Variants in FRMD4B observed in about 807,000 individuals in gnomAD.
FRMD4B encodes FERM domain containing 4B, also known as FERM domain-containing protein 4B.
In FRMD4B, 74 loss-of-function variants were observed where a neutral mutation model predicts 141.5. The observed-to-expected ratio is 0.52, with a 90% CI of 0.43 to 0.63. The LOEUF is 0.63. Ranked by LOEUF, FRMD4B falls within the 30% of genes least tolerant of loss-of-function variation. FRMD4B has a pLI of 0.00. For missense variants in FRMD4B, 1,366 were observed against 1,253.4 expected, an observed-to-expected ratio of 1.09 and a Z score of -1.36; for synonymous variants, 506 against 467.9, an observed-to-expected ratio of 1.08 and a Z score of -1.05.
intron 1 of FRMD4B, among the ~76,000 whole-genome samples, chr3:69,500,127 A>G (rs1706467309): frequency 6.6e-6 from 1 of 152,144 alleles, no homozygotes; most frequent in Non-Finnish European, 1.5e-5. Flanking sequence ...CAGGACCCAG[A>G]GCTGTGGCTG....
intron 1 of FRMD4B, among the ~76,000 whole-genome samples, chr3:69,339,818 C>A (rs1356695888): frequency 6.6e-6 from 1 of 152,136 alleles, no homozygotes; most frequent in Non-Finnish European, 1.5e-5. Context: ...CAGGAGAACA[C>A]CCCTCAGTGT....
At chr3:69,350,922 T>G (rs1357031462) in intron 1 of FRMD4B, among the ~76,000 whole-genome samples, 1 of 152,022 alleles carries the variant, frequency 6.6e-6, no homozygotes, top group Non-Finnish European at 1.5e-5. Flanking sequence ...ATGGCACATG[T>G]ATACATATGT....
chr3:69,428,895 C>T (rs993006184), intron 2 of FRMD4B, among the ~76,000 whole-genome samples: 1 of 152,206 alleles, frequency 6.6e-6, no homozygotes, highest in Non-Finnish European at 1.5e-5. Context: ...TGCTTTCCAT[C>T]TCTATGAATG....
At chr3:69,188,328 C>A (rs1266029523) in intron 18 of FRMD4B, among the ~76,000 whole-genome samples, 1 of 152,212 alleles carries the variant, frequency 6.6e-6, no homozygotes, top group Non-Finnish European at 1.5e-5. Context: ...AAGGCTTATC[C>A]TGTCATTGAA....
chr3:69,222,671 T>C (rs749675965), intron 8 of FRMD4B, among the ~76,000 whole-genome samples: 29 of 152,212 alleles, frequency 1.9e-4, no homozygotes, highest in South Asian at 2.1e-4. Flanking sequence ...CTTAGGAGGC[T>C]GAGGCACGAG....
intron 1 of FRMD4B, among the ~76,000 whole-genome samples, chr3:69,362,709 C>A (rs61008624): frequency 1.1e-3 from 68 of 64,086 alleles, no homozygotes; most frequent in African/African-American, 8.7e-3. Context: ...AACCCCCCCC[C>A]CAAAAAAACA....
At chr3:69,460,299 C>T (rs919221461) in intron 1 of FRMD4B, among the ~76,000 whole-genome samples, 6 of 152,230 alleles carry the variant, frequency 3.9e-5, no homozygotes, top group African/African-American at 1.2e-4. Context: ...CTGCTGTCTG[C>T]TGAGCCCCAC....
chr3:69,467,611 T>C (rs1173240482), intron 1 of FRMD4B, among the ~76,000 whole-genome samples: 4 of 152,240 alleles, frequency 2.6e-5, no homozygotes, highest in African/African-American at 4.8e-5. Flanking sequence ...TTTAAATCTG[T>C]AACATGGGTT....
At chr3:69,449,747 GT>G (rs1705466404) in intron 1 of FRMD4B, among the ~76,000 whole-genome samples, 1 of 151,560 alleles carries the variant, frequency 6.6e-6, no homozygotes, top group African/African-American at 2.4e-5. Context: ...GTTTTGTTTT[GT>G]TTTCAATGGT....
chr3:69,415,916 T>C (rs191584269), intron 2 of FRMD4B, among the ~76,000 whole-genome samples: 34 of 152,356 alleles, frequency 2.2e-4, no homozygotes, highest in Admixed American at 8.5e-4. Flanking sequence ...TAAAAGACAG[T>C]AGTACTGGCT....
At chr3:69,342,016 C>T (rs951129170) in intron 1 of FRMD4B, among the ~76,000 whole-genome samples, 2 of 152,224 alleles carry the variant, frequency 1.3e-5, no homozygotes, top group Non-Finnish European at 2.9e-5. Context: ...AAGAAACACA[C>T]AGCTCACTTA....
chr3:69,371,113 C>A (rs1455752806), intron 1 of FRMD4B, among the ~76,000 whole-genome samples: 1 of 125,464 alleles, frequency 8.0e-6, no homozygotes, highest in Admixed American at 9.0e-5. Context: ...GGTTGGGAGT[C>A]ACCTCCCTGG....
intron 7 of FRMD4B, among the ~76,000 whole-genome samples, chr3:69,232,478 A>G (rs1559738456): frequency 6.6e-6 from 1 of 152,122 alleles, no homozygotes; most frequent in Non-Finnish European, 1.5e-5. Context: ...AGCTACTACA[A>G]CTATTTCTCA....
At chr3:69,483,449 G>C (rs897579094) in intron 1 of FRMD4B, among the ~76,000 whole-genome samples, 4 of 152,188 alleles carry the variant, frequency 2.6e-5, no homozygotes, top group African/African-American at 9.7e-5. Flanking sequence ...AAAATCTTTA[G>C]TTTAAGAAGA....
At chr3:69,228,604 C>G (rs2093276528) in intron 7 of FRMD4B, 1 of 401,586 alleles carries the variant, frequency 2.5e-6, no homozygotes, top group Non-Finnish European at 4.9e-6. Context: ...GGAGACTGAG[C>G]TGGGAGGATC....
intron 5 of FRMD4B, 37 bp from the exon 6 acceptor site, chr3:69,250,136 G>GA (rs2093452744): frequency 7.0e-7 from 1 of 1,434,806 alleles, no homozygotes; most frequent in Non-Finnish European, 9.8e-7. Context: ...TGAACATGGG[G>GA]CTGTCCTAGA....
At chr3:69,476,702 C>T (rs1213225827) in intron 1 of FRMD4B, among the ~76,000 whole-genome samples, 2 of 151,320 alleles carry the variant, frequency 1.3e-5, no homozygotes, top group Non-Finnish European at 2.9e-5. Context: ...TTTTTGGTTC[C>T]ATATGAACTT....
chr3:69,226,532 C>A (rs943222812), intron 7 of FRMD4B, among the ~76,000 whole-genome samples: 1 of 151,084 alleles, frequency 6.6e-6, no homozygotes, highest in African/African-American at 2.4e-5. Flanking sequence ...ATGATAAATT[C>A]AGGACAACAT....
At chr3:69,536,751 A>AT (rs1701093801) in intron 1 of FRMD4B, 2 of 535,920 alleles carry the variant, frequency 3.7e-6, no homozygotes, top group East Asian at 3.8e-5. Flanking sequence ...AATTTTTTTA[A>AT]TTTTTTATTT....
Sources: gnomAD v4.1 joint callset for allele counts (sites outside exome capture counted in the v4.1 genomes callset) on GRCh38, gnomAD v4.1.1 for gene constraint, MANE v1.5 for transcripts, NCBI Gene and HGNC (gene_info 2026-07-23, HGNC 2026-07-21) for gene names.